The following SEC61A2 variants were observed in gnomAD, a reference collection of about 807,000 sequenced individuals.
SEC61A2 encodes SEC61 translocon subunit alpha 2, also known as protein transport protein Sec61 subunit alpha isoform 2.
In SEC61A2, 28 loss-of-function variants were observed where a neutral mutation model predicts 59.9. The ratio of observed to expected loss-of-function variants is 0.47; its 90% CI spans 0.35 to 0.64. SEC61A2 has a LOEUF of 0.64. Ranked by LOEUF, SEC61A2 falls within the 30% of genes least tolerant of loss-of-function variation. The pLI is 0.01. For synonymous variants in SEC61A2, 202 were observed against 214.4 expected (o/e 0.94, Z 0.50); for missense variants, 340 against 585.9 (o/e 0.58, Z 4.33).
downstream of SEC61A2, chr10:12,167,770 A>G (rs1476952892): frequency 1.1e-5 from 18 of 1,614,210 alleles, no homozygotes; most frequent in Non-Finnish European, 1.5e-5. Context: ...GCGTAGGAAT[A>G]GACCCTGGCG....
In SEC61A2 at chr10:12,155,724, C is replaced by G. The variant is rs1834382448; in HGVS notation, c.463-54C>G. The G allele has an allele frequency of 1.2e-6, 2 of 1,604,228 alleles. No individual in the cohort carries two copies. The highest frequency in any genetic ancestry group is 3.3e-5 in the Admixed American group (2 of 59,856). On this transcript the variant is annotated intron_variant, in intron 6 of 11. Transcript: ENST00000298428. The surrounding 1 kb of genome is among the most constrained non-coding windows in gnomAD (Gnocchi z 4.3). ...GGAAATAGCCAATGGTGTTCCTCTC[C>G]CCCTTTCTTGAGTTTGTTCTTGCTT...
At position 12,164,193 on chromosome 10, in the gene SEC61A2, C is replaced by T. The variant is rs566909765; in HGVS notation, c.1245-75C>T. 6.5e-6 allele frequency: 10 copies of T among 1,546,962 alleles called. No individual in the cohort carries two copies. Among genetic ancestry groups the T allele is most frequent in the Admixed American group, 4.0e-5 (2 of 50,284 alleles). ...AGACCCAGCTATGGCTGCTGCGCCT[C>T]GACCTGTCTTCGTCTCTAGCTGCCG... On this transcript the variant is annotated intron_variant, in intron 11 of 11. Transcript: ENST00000298428. This position sits in a 1 kb window ranked among gnomAD's most constrained non-coding sequence, Gnocchi z 7.3.
intron 11 of SEC61A2, among the ~76,000 whole-genome samples, chr10:12,163,659 T>C (rs1396693253): frequency 6.6e-6 from 1 of 152,058 alleles, no homozygotes; most frequent in African/African-American, 2.4e-5. Flanking sequence ...GGCATCCTGT[T>C]GTCCCAGCAT....
In SEC61A2 at chr10:12,164,052, G is replaced by A. The variant is rs1834601600; in HGVS notation, c.1245-216G>A. ...ATATTGTCTTTCTTGGCTGTTGACT[G>A]GTTCCTGGAAATTAGGGTCAGAGTC... is the stretch of plus-strand genomic sequence containing the variant. On this transcript the variant is annotated intron_variant, in intron 11 of 11. Transcript: ENST00000298428. The surrounding 1 kb of genome is among the most constrained non-coding windows in gnomAD (Gnocchi z 7.3). 6.6e-6 allele frequency among the ~76,000 whole-genome samples: 1 copy of A among 152,192 alleles called. No homozygotes were observed. The highest frequency in any genetic ancestry group is 2.1e-4 in the South Asian group (1 of 4,832).
intron 4 of SEC61A2, among the ~76,000 whole-genome samples, chr10:12,147,244 G>A (rs1040266699): frequency 2.0e-5 from 3 of 152,122 alleles, no homozygotes; most frequent in African/African-American, 7.2e-5. Flanking sequence ...AAGTTTTGTA[G>A]TTGTATCTAA....
chr10:12,135,073 G>A (rs1833854830), intron 2 of SEC61A2, among the ~76,000 whole-genome samples: 1 of 147,050 alleles, frequency 6.8e-6, no homozygotes, highest in Non-Finnish European at 1.5e-5. Context: ...AACACCACAT[G>A]TTCTCACTCG....
intron 3 of SEC61A2, 146 bp downstream of exon 3, chr10:12,136,316 A>C: frequency 2.2e-6 from 1 of 459,858 alleles, no homozygotes; most frequent in Non-Finnish European, 3.8e-6. Flanking sequence ...TTTTATTATT[A>C]ATTTTTTTTT....
At position 12,161,185 on chromosome 10, in the gene SEC61A2, C is replaced by T. The variant is rs887355759; in HGVS notation, c.1167+64C>T. ...ATGCATGGTGGCGCACATCTGTAAT[C>T]GTAGCACTTTGGCAGGCTGAGGCCG... On this transcript the variant is annotated intron_variant, in intron 10 of 11. Transcript: ENST00000298428. The surrounding 1 kb of genome is among the most constrained non-coding windows in gnomAD (Gnocchi z 5.4). The T allele has an allele frequency of 1.4e-5, 20 of 1,383,998 alleles. No individual in the cohort carries two copies. Among genetic ancestry groups the T allele is most frequent in the East Asian group, 7.1e-5 (3 of 42,200 alleles). The allele number at this position is 1,383,998 out of a possible 1,614,324, so 85.7% of individuals were successfully genotyped here. A position where few individuals can be genotyped will look rare whatever the true frequency, so the allele number is the denominator to read the frequency against.
rs369493320 is a variant in SEC61A2 at position 12,142,230 on chromosome 10, C to T, written c.142-887C>T. ...AGGAATCAGGAGGTATCCCTGAGACCAGGGTTGAGCAGAAGTCAACATGGT... is the reference window on the plus strand; with the variant it reads ...AGGAATCAGGAGGTATCCCTGAGACTAGGGTTGAGCAGAAGTCAACATGGT... On this transcript the variant is annotated intron_variant, in intron 3 of 11. Transcript: ENST00000298428. This position sits in a 1 kb window ranked among gnomAD's most constrained non-coding sequence, Gnocchi z 5.4. Among the ~76,000 whole-genome samples the T allele has an allele frequency of 7.9e-5, 12 of 151,994 alleles. No individual in the cohort carries two copies. In the East Asian group the frequency reaches 1.3e-3, roughly 17 times the overall value.
upstream of SEC61A2, chr10:12,129,671 G>T: frequency 1.9e-6 from 2 of 1,036,304 alleles, no homozygotes; most frequent in Non-Finnish European, 2.7e-6. This position sits in a 1 kb window ranked among gnomAD's most constrained non-coding sequence, Gnocchi z 5.6. Context: ...GTTGGGCGGA[G>T]CCTGCGCGGG....
chr10:12,141,762 G>C (rs910203236), intron 3 of SEC61A2, among the ~76,000 whole-genome samples: 2 of 152,160 alleles, frequency 1.3e-5, no homozygotes, highest in African/African-American at 4.8e-5. Context: ...TTTGAGGTAG[G>C]ATGATTCCTT....
rs1486316010 is a variant in SEC61A2 at position 12,129,751 on chromosome 10, G to C, written c.-37G>C. The C allele has an allele frequency of 1.3e-6, 2 of 1,488,252 alleles. No homozygotes were observed. Among genetic ancestry groups the C allele is most frequent in the Non-Finnish European group, 8.9e-7 (1 of 1,124,270 alleles). 92.2% of individuals were successfully genotyped at this position (1,488,252 alleles called of 1,614,324 possible). A position where few individuals can be genotyped will look rare whatever the true frequency, so the allele number is the denominator to read the frequency against. On this transcript the variant is annotated 5_prime_UTR_variant, in exon 1 of 12. Transcript: ENST00000298428. This position sits in a 1 kb window ranked among gnomAD's most constrained non-coding sequence, Gnocchi z 5.6. ...GGGAGTCGAGCGAAGGCAGCGCCGA[G>C]GCCGCGGTTTCCCCCTGGGCCTCCC...
At position 12,161,297 on chromosome 10, in the gene SEC61A2, C is replaced by T. The variant is rs183910923; in HGVS notation, c.1167+176C>T. On this transcript the variant is annotated intron_variant, in intron 10 of 11. Coordinates refer to ENST00000298428, the MANE Select transcript of SEC61A2 (RefSeq NM_018144.4). The surrounding 1 kb of genome is among the most constrained non-coding windows in gnomAD (Gnocchi z 5.4). The stretch of plus-strand genomic sequence containing the variant: ...TGACTAAAAAAATACAAATAAAAAT[C>T]GGCCGGGCACGGTGGTGCAAGCCCG... Among the ~76,000 whole-genome samples the T allele has an allele frequency of 4.0e-3, 605 of 152,134 alleles. No individual in the cohort carries two copies. The highest frequency in any genetic ancestry group is 6.3e-3 in the Non-Finnish European group (429 of 68,000).
chr10:12,164,600 A>G lies in SEC61A2; in HGVS notation c.*146A>G. 4 of 1,445,718 alleles carry G rather than the reference A, an allele frequency of 2.8e-6. No individual in the cohort carries two copies. Among genetic ancestry groups the G allele is most frequent in the Non-Finnish European group, 3.6e-6 (4 of 1,105,422 alleles). The allele number at this position is 1,445,718 out of a possible 1,614,324, so 89.6% of individuals were successfully genotyped here. Reference sequence around the variant, plus strand: ...TGACCCGTTTCTGAAATGGGCACCGAGCTAAGTCTGTGTGCAGCATTAGTA... The same window carrying G: ...TGACCCGTTTCTGAAATGGGCACCGGGCTAAGTCTGTGTGCAGCATTAGTA... On this transcript the variant is annotated 3_prime_UTR_variant, in exon 12 of 12. Transcript: ENST00000298428. The surrounding 1 kb of genome is among the most constrained non-coding windows in gnomAD (Gnocchi z 7.3).
In SEC61A2 at chr10:12,161,469, G is replaced by A. The variant is rs1402010426; in HGVS notation, c.1167+348G>A. 6.6e-6 allele frequency among the ~76,000 whole-genome samples: 1 copy of A among 151,960 alleles called. No homozygotes were observed. Among genetic ancestry groups the A allele is most frequent in the African/African-American group, 2.4e-5 (1 of 41,368 alleles). On this transcript the variant is annotated intron_variant, in intron 10 of 11. Coordinates refer to ENST00000298428, the MANE Select transcript of SEC61A2 (RefSeq NM_018144.4). The surrounding 1 kb of genome is among the most constrained non-coding windows in gnomAD (Gnocchi z 5.4). ...CTCAAAAAAATAAAAAAGGCCAGGC[G>A]CAGTGGTTCACGCCTGTAATCCCAG... is the stretch of plus-strand genomic sequence containing the variant.
chr10:12,164,792 C>T lies in SEC61A2; in HGVS notation c.*338C>T, dbSNP rs1038741298. 1.2e-5 allele frequency: 12 copies of T among 1,039,750 alleles called. No individual in the cohort carries two copies. Among genetic ancestry groups the T allele is most frequent in the Non-Finnish European group, 1.3e-5 (11 of 865,818 alleles). The allele number at this position is 1,039,750 out of a possible 1,614,324, so 64.4% of individuals were successfully genotyped here. On this transcript the variant is annotated 3_prime_UTR_variant, in exon 12 of 12. Transcript: ENST00000298428. This position sits in a 1 kb window ranked among gnomAD's most constrained non-coding sequence, Gnocchi z 7.3. ...AACATTCAAAACACTTCATATTGCC[C>T]CCACTTGTTGAAAAATAAATGTAGT... is the stretch of plus-strand genomic sequence containing the variant.
intron 2 of SEC61A2, 129 bp downstream of exon 2, chr10:12,133,437 G>A (rs1833810923): frequency 2.0e-6 from 1 of 497,858 alleles, no homozygotes; most frequent in Admixed American, 3.5e-5. Flanking sequence ...CATCCTCCTT[G>A]CAAGAGGCAC....
rs771074062 is a variant in SEC61A2, at chr10:12,149,838, C to A, written c.353-14C>A. 1.2e-6 allele frequency: 2 copies of A among 1,612,334 alleles called. No individual in the cohort carries two copies. Among genetic ancestry groups the A allele is most frequent in the South Asian group, 2.2e-5 (2 of 90,954 alleles). ...GTGGTAAGCGTGCTCTCCTTTCCCC[C>A]CAACTTTCATCAGTGTTTGGTATGA... On this transcript the variant is annotated splice_polypyrimidine_tract_variant and intron_variant, in intron 5 of 11. Coordinates refer to ENST00000298428, the MANE Select transcript of SEC61A2 (RefSeq NM_018144.4). The surrounding 1 kb of genome is among the most constrained non-coding windows in gnomAD (Gnocchi z 5.2).
chr10:12,134,144 C>T (rs1287856041), intron 2 of SEC61A2, among the ~76,000 whole-genome samples: 2 of 152,106 alleles, frequency 1.3e-5, no homozygotes, highest in Non-Finnish European at 1.5e-5. Context: ...GTAGCTGGGA[C>T]TACAGGCGCC....
Sources: gnomAD v4.1 joint callset for allele counts (sites outside exome capture counted in the v4.1 genomes callset) on GRCh38, gnomAD v4.1.1 for gene constraint, Gnocchi (gnomAD v3.1) non-coding constraint, MANE v1.5 for transcripts, NCBI Gene and HGNC (gene_info 2026-07-23, HGNC 2026-07-21) for gene names.